NEGR1: variants seen among roughly 807,000 people sequenced by gnomAD.
NEGR1 encodes the protein IgLON family member 4.
In NEGR1, 10 loss-of-function variants were observed where a neutral mutation model predicts 40.9. The ratio of observed to expected loss-of-function variants is 0.24; its 90% CI spans 0.15 to 0.42. The LOEUF (loss-of-function observed/expected upper bound fraction) is 0.42, where lower values mean the gene tolerates loss of function less well. NEGR1 is among the 10% of genes least tolerant of loss of function. The probability of loss-of-function intolerance (pLI) is 1.00; values close to 1 mark genes in which losing one functional copy is unlikely to be tolerated. For missense variants in NEGR1, 352 were observed against 438.9 expected, an observed-to-expected ratio of 0.80 and a Z score of 1.77; for synonymous variants, 185 against 166.8, an observed-to-expected ratio of 1.11 and a Z score of -0.84.
intron 1 of NEGR1, among the ~76,000 whole-genome samples, chr1:72,255,464 G>C (rs1655235045): frequency 6.6e-6 from 1 of 151,888 alleles, no homozygotes; most frequent in African/African-American, 2.4e-5. Context: ...CATTCATCCT[G>C]GGTGTTGATA....
intron 1 of NEGR1, among the ~76,000 whole-genome samples, chr1:72,191,353 T>C (rs1375236758): frequency 3.3e-5 from 5 of 151,722 alleles, no homozygotes; most frequent in Non-Finnish European, 4.4e-5. Flanking sequence ...CAAAAGTAAA[T>C]CTTTATCATT....
At chr1:71,810,479 C>G (rs1342272009) in intron 2 of NEGR1, among the ~76,000 whole-genome samples, 2 of 152,010 alleles carry the variant, frequency 1.3e-5, no homozygotes, top group Admixed American at 6.6e-5. Flanking sequence ...AATACCATAT[C>G]AAATATACAA....
chr1:71,426,851 A>G (rs1320449846), intron 6 of NEGR1, among the ~76,000 whole-genome samples: 11 of 152,238 alleles, frequency 7.2e-5, no homozygotes, highest in Non-Finnish European at 1.6e-4. Flanking sequence ...TTAACTTATT[A>G]TGGGCTTAAT....
chr1:72,197,449 T>C (rs1653040188), intron 1 of NEGR1, among the ~76,000 whole-genome samples: 1 of 152,044 alleles, frequency 6.6e-6, no homozygotes, highest in Non-Finnish European at 1.5e-5. Flanking sequence ...GTCTATCACG[T>C]AACTTGATAG....
intron 2 of NEGR1, among the ~76,000 whole-genome samples, chr1:71,904,076 T>C (rs1661213333): frequency 6.6e-6 from 1 of 151,944 alleles, no homozygotes; most frequent in Admixed American, 6.6e-5. Flanking sequence ...AATCCTTTAG[T>C]GCATCTTTTA....
chr1:71,661,593 A>C (rs2101591016), intron 4 of NEGR1, among the ~76,000 whole-genome samples: 1 of 152,310 alleles, frequency 6.6e-6, no homozygotes, highest in South Asian at 2.1e-4. Context: ...AATCCCTATG[A>C]CAGTCTTGTC....
chr1:72,058,275 T>C (rs1647130313), intron 1 of NEGR1, among the ~76,000 whole-genome samples: 1 of 151,590 alleles, frequency 6.6e-6, no homozygotes, highest in Admixed American at 6.6e-5. Flanking sequence ...TTTTTGTATT[T>C]GAAATCTCAA....
chr1:71,873,407 G>A (rs1039074164), intron 2 of NEGR1, among the ~76,000 whole-genome samples: 2 of 152,050 alleles, frequency 1.3e-5, no homozygotes, highest in African/African-American at 4.8e-5. Context: ...TAGTGAAAAT[G>A]TTTTGGAATA....
chr1:71,841,895 T>C (rs2101803082), intron 2 of NEGR1, among the ~76,000 whole-genome samples: 1 of 152,278 alleles, frequency 6.6e-6, no homozygotes, highest in African/African-American at 2.4e-5. Flanking sequence ...TTATTGTGTG[T>C]TGATGATATG....
intron 4 of NEGR1, among the ~76,000 whole-genome samples, chr1:71,630,402 T>C (rs1333463737): frequency 6.6e-6 from 1 of 151,936 alleles, no homozygotes; most frequent in Non-Finnish European, 1.5e-5. Flanking sequence ...GTGTCTTAAT[T>C]TGAATTCACC....
At chr1:72,220,458 G>GT (rs1168976732) in intron 1 of NEGR1, among the ~76,000 whole-genome samples, 1 of 151,016 alleles carries the variant, frequency 6.6e-6, no homozygotes, top group Admixed American at 6.6e-5. Flanking sequence ...CAAAGTAAAT[G>GT]TATTTTTCTC....
At chr1:71,813,102 T>G (rs967222022) in intron 2 of NEGR1, among the ~76,000 whole-genome samples, 1 of 151,984 alleles carries the variant, frequency 6.6e-6, no homozygotes, top group African/African-American at 2.4e-5. Context: ...TTGAGTCAAT[T>G]TTTTTATAAG....
intron 1 of NEGR1, among the ~76,000 whole-genome samples, chr1:72,222,824 G>A (rs1282272980): frequency 6.6e-6 from 1 of 151,778 alleles, no homozygotes; most frequent in Non-Finnish European, 1.5e-5. Context: ...TAATGGGAAT[G>A]TTGCATCTAC....
At chr1:72,110,658 A>G (rs1649325325) in intron 1 of NEGR1, among the ~76,000 whole-genome samples, 1 of 151,686 alleles carries the variant, frequency 6.6e-6, no homozygotes, top group South Asian at 2.1e-4. Context: ...AAAGTAAGTA[A>G]TTCCATTAAT....
chr1:72,051,602 A>G (rs754204932), intron 1 of NEGR1, among the ~76,000 whole-genome samples: 5 of 151,502 alleles, frequency 3.3e-5, no homozygotes, highest in Admixed American at 6.6e-5. Context: ...AAAGTGTGAA[A>G]AGTTTATTTG....
At chr1:72,247,567 C>T (rs1319051216) in intron 1 of NEGR1, among the ~76,000 whole-genome samples, 2 of 152,174 alleles carry the variant, frequency 1.3e-5, no homozygotes, top group African/African-American at 2.4e-5. Flanking sequence ...ACCTTTACTC[C>T]AGTTCCCAAT....
At chr1:72,095,079 G>A (rs995716828) in intron 1 of NEGR1, among the ~76,000 whole-genome samples, 4 of 151,978 alleles carry the variant, frequency 2.6e-5, no homozygotes, top group Non-Finnish European at 5.9e-5. Context: ...AAATCTTACC[G>A]CCTAAACAGG....
At chr1:72,198,374 G>C (rs1653073958) in intron 1 of NEGR1, among the ~76,000 whole-genome samples, 1 of 151,944 alleles carries the variant, frequency 6.6e-6, no homozygotes, top group African/African-American at 2.4e-5. Context: ...TAAGCCATGA[G>C]ACAACTTTGA....
At chr1:71,457,722 T>A (rs1646683451) in intron 6 of NEGR1, among the ~76,000 whole-genome samples, 1 of 152,208 alleles carries the variant, frequency 6.6e-6, no homozygotes, top group Non-Finnish European at 1.5e-5. Flanking sequence ...TTTCTTTTTT[T>A]TGAGACGGAG....
Sources: allele counts gnomAD v4.1 joint callset (sites outside exome capture counted in the v4.1 genomes callset), GRCh38; gene constraint gnomAD v4.1.1; transcripts MANE v1.5; gene names NCBI Gene and HGNC (gene_info 2026-07-23, HGNC 2026-07-21).